The following CFAP47 variants were observed in gnomAD, a reference collection of about 807,000 sequenced individuals.
CFAP47 encodes cilia- and flagella-associated protein 47.
Under a neutral mutation model 148.1 loss-of-function variants are expected in CFAP47, and 29 were observed. That is an observed-to-expected ratio of 0.20 (90% CI 0.15 to 0.27). The LOEUF (loss-of-function observed/expected upper bound fraction) is 0.27. Ranked by LOEUF, CFAP47 falls within the 10% of genes least tolerant of loss-of-function variation. The pLI, the probability that CFAP47 is intolerant of heterozygous loss-of-function variation, is 1.00. For missense variants in CFAP47, 1,872 were observed against 1,697.5 expected (o/e 1.10, Z -1.81); for synonymous variants, 664 against 577.3 (o/e 1.15, Z -2.15).
intron 33 of CFAP47, among the ~76,000 whole-genome samples, chrX:36,133,061 G>C (rs146097806): frequency 0.016 from 1,762 of 111,649 alleles, 31 homozygotes; most frequent in African/African-American, 0.054. Context: ...CTTGTAGATA[G>C]AGCTAGACGC....
At chrX:36,130,865 T>G (rs1275776760) in intron 33 of CFAP47, among the ~76,000 whole-genome samples, 1 of 110,967 alleles carries the variant, frequency 9.0e-6, no homozygotes, top group Non-Finnish European at 1.9e-5. Flanking sequence ...ATTTGTGGAA[T>G]CTAAATATCA....
intron 33 of CFAP47, among the ~76,000 whole-genome samples, chrX:36,114,702 G>A (rs957502432): frequency 9.0e-6 from 1 of 110,802 alleles, no homozygotes. Flanking sequence ...CTGGCTCCTC[G>A]AGTTTAGGAA....
At chrX:36,139,483 C>G (rs1939103571) in intron 35 of CFAP47, among the ~76,000 whole-genome samples, 1 of 111,527 alleles carries the variant, frequency 9.0e-6, no homozygotes, top group South Asian at 3.8e-4. Flanking sequence ...AAGGCCTTTA[C>G]TCTTGCAACA....
intron 30 of CFAP47, among the ~76,000 whole-genome samples, chrX:36,088,324 T>C (rs1444497892): frequency 1.8e-5 from 2 of 111,629 alleles, no homozygotes; most frequent in African/African-American, 6.5e-5. Context: ...TTTCTTGTCA[T>C]TTGTGTCTGG....
At position 35,975,565 on chromosome X, in the gene CFAP47, A is replaced by G. The variant is rs1007260474; in HGVS notation, c.2472-107A>G. The stretch of plus-strand genomic sequence containing the variant: ...TTCATAATTAAAGTATTACGTGCTA[A>G]GAATTGTGGATGTTAATCAATGCTA... On this transcript the variant is annotated intron_variant, in intron 14 of 63. Transcript: ENST00000378653. The G allele has an allele frequency of 1.4e-5, 12 of 831,177 alleles. No homozygotes were observed. In the Admixed American group the frequency reaches 3.4e-4, roughly 23 times the overall value. The allele number at this position is 831,177 out of a possible 1,213,427, so 68.5% of individuals were successfully genotyped here. A position where few individuals can be genotyped will look rare whatever the true frequency, so the allele number is the denominator to read the frequency against.
intron 38 of CFAP47, 50 bp from the exon 39 acceptor site, chrX:36,160,631 G>A (rs944947580): frequency 1.8e-5 from 5 of 285,492 alleles, no homozygotes; most frequent in Non-Finnish European, 3.1e-5. Flanking sequence ...AATTCAGAAA[G>A]TTCATTTTTT....
chrX:36,319,971 G>A (rs1015326760), intron 57 of CFAP47, among the ~76,000 whole-genome samples: 63 of 110,645 alleles, frequency 5.7e-4, no homozygotes, highest in African/African-American at 2.0e-3. Flanking sequence ...GACTACAGGC[G>A]CACACCATCC....
chrX:35,973,054 C>T (rs1182646448), intron 13 of CFAP47, among the ~76,000 whole-genome samples: 1 of 111,847 alleles, frequency 8.9e-6, no homozygotes, highest in Admixed American at 9.5e-5. Flanking sequence ...GAAATGTTAT[C>T]TCATTGTGGA....
chrX:36,243,180 A>T (rs80134999), intron 48 of CFAP47, among the ~76,000 whole-genome samples: 5,647 of 111,392 alleles, frequency 0.051, 356 homozygotes, highest in African/African-American at 0.17. Context: ...GAAGTCCTTT[A>T]GGGAGTGCTA....
At chrX:36,318,642 A>G (rs1569316573) in intron 56 of CFAP47, among the ~76,000 whole-genome samples, 1 of 112,141 alleles carries the variant, frequency 8.9e-6, no homozygotes, top group Non-Finnish European at 1.9e-5. Flanking sequence ...TGTAGATGAA[A>G]CCATCCATTA....
chrX:36,213,285 G>T (rs1940122862), intron 45 of CFAP47, among the ~76,000 whole-genome samples: 1 of 110,299 alleles, frequency 9.1e-6, no homozygotes, highest in African/African-American at 3.3e-5. Flanking sequence ...AACATTTTTT[G>T]ACTTAAAGCT....
intron 44 of CFAP47, among the ~76,000 whole-genome samples, chrX:36,202,121 A>C (rs953362125): frequency 9.0e-6 from 1 of 111,658 alleles, no homozygotes; most frequent in African/African-American, 3.3e-5. Context: ...ATATTGAGGT[A>C]CTTATTACTA....
At chrX:36,262,852 C>G (rs913829597) in intron 49 of CFAP47, among the ~76,000 whole-genome samples, 61 of 111,998 alleles carry the variant, frequency 5.4e-4, no homozygotes, top group Middle Eastern at 4.7e-3. Context: ...GAGGGTTCCC[C>G]TTTCTCCACA....
At chrX:35,923,653 C>G (rs186822783) in intron 1 of CFAP47, among the ~76,000 whole-genome samples, 1 of 109,071 alleles carries the variant, frequency 9.2e-6, no homozygotes, top group Non-Finnish European at 1.9e-5. Context: ...AACCCCGTCT[C>G]TATTAAAAAT....
chrX:36,236,198 C>T, intron 47 of CFAP47, 121 bp downstream of exon 47: 1 of 326,776 alleles, frequency 3.1e-6, no homozygotes, highest in East Asian at 4.7e-5. Context: ...TTAATATTTT[C>T]CATGAATTTG....
chrX:36,295,303 G>C (rs1214788747), intron 51 of CFAP47, among the ~76,000 whole-genome samples: 1 of 111,928 alleles, frequency 8.9e-6, no homozygotes, highest in Non-Finnish European at 1.9e-5. Flanking sequence ...TGAAAGTGGA[G>C]GAATATGCCA....
chrX:36,114,231 T>C (rs1381531901), intron 33 of CFAP47, among the ~76,000 whole-genome samples: 2 of 111,995 alleles, frequency 1.8e-5, no homozygotes, highest in East Asian at 5.6e-4. Context: ...TACTGCCTAT[T>C]TTGTCAGTCA....
In CFAP47 at chrX:35,926,026, A is replaced by G. The variant is rs1455264168; in HGVS notation, c.259A>G (p.Met87Val). ...KEPVKPQFKL[M>V]LTSLDKELAS... The stretch of plus-strand genomic sequence containing the variant: ...CTTTCTCCCACTGAAGTTCAAACTG[A>G]TGTTGACCAGTCTGGATAAAGAACT... The change falls in exon 2 of 64, where the codon ATG (methionine) becomes GTG (valine). Residue 87 changes from methionine (M) to valine (V), a missense_variant. Physicochemically the swap from Met to Val is conservative, Grantham distance 21 (BLOSUM62 1). Coordinates refer to ENST00000378653, the MANE Select transcript of CFAP47 (RefSeq NM_001304548.2). 2 of 1,200,431 alleles carry G rather than the reference A, an allele frequency of 1.7e-6. No individual in the cohort carries two copies. Among genetic ancestry groups the G allele is most frequent in the South Asian group, 3.6e-5 (2 of 54,886 alleles).
chrX:36,211,819 A>C (rs1173065857), intron 45 of CFAP47, among the ~76,000 whole-genome samples: 1 of 111,540 alleles, frequency 9.0e-6, no homozygotes, highest in Non-Finnish European at 1.9e-5. Context: ...TTAAAGAAAA[A>C]AAATTGAAAT....
Sources: allele counts gnomAD v4.1 joint callset (sites outside exome capture counted in the v4.1 genomes callset), GRCh38; gene constraint gnomAD v4.1.1; transcripts MANE v1.5; gene names NCBI Gene and HGNC (gene_info 2026-07-23, HGNC 2026-07-21).